LRRC4C: variants seen among roughly 807,000 people sequenced by gnomAD.
The protein encoded by LRRC4C is leucine rich repeat containing 4C.
In LRRC4C, 5 loss-of-function variants were observed where a neutral mutation model predicts 33.6. That is an observed-to-expected ratio of 0.15 (90% CI 0.08 to 0.31). LRRC4C has a LOEUF of 0.31. LRRC4C is among the 10% of genes least tolerant of loss of function. LRRC4C has a pLI of 1.00. For missense variants in LRRC4C, 560 were observed against 796.7 expected, an observed-to-expected ratio of 0.70 and a Z score of 3.58; for synonymous variants, 329 against 302.0, an observed-to-expected ratio of 1.09 and a Z score of -0.93.
At chr11:40,576,987 A>G (rs1958219615) in intron 3 of LRRC4C, among the ~76,000 whole-genome samples, 1 of 152,166 alleles carries the variant, frequency 6.6e-6, no homozygotes, top group South Asian at 2.1e-4. Context: ...TGAGGATTTT[A>G]CCTAGGGAAA....
At chr11:41,052,283 C>A (rs1218012053) in intron 1 of LRRC4C, among the ~76,000 whole-genome samples, 4 of 152,070 alleles carry the variant, frequency 2.6e-5, no homozygotes, top group African/African-American at 9.7e-5. Flanking sequence ...AGATACAAGT[C>A]CTTCACAGAA....
At chr11:40,571,731 A>G (rs1957990833) in intron 3 of LRRC4C, among the ~76,000 whole-genome samples, 2 of 152,132 alleles carry the variant, frequency 1.3e-5, no homozygotes, top group Non-Finnish European at 2.9e-5. Flanking sequence ...AGATCTTTAA[A>G]CACCCCCTAT....
chr11:40,498,530 A>G (rs952251337), intron 3 of LRRC4C, among the ~76,000 whole-genome samples: 1 of 152,230 alleles, frequency 6.6e-6, no homozygotes, highest in African/African-American at 2.4e-5. Flanking sequence ...TTTTAGCATT[A>G]GCAAACCTTG....
chr11:40,827,351 G>A (rs955213417), intron 2 of LRRC4C, among the ~76,000 whole-genome samples: 8 of 151,748 alleles, frequency 5.3e-5, no homozygotes, highest in African/African-American at 1.9e-4. Flanking sequence ...AGAGTTACCA[G>A]ACAGGTACTG....
intron 1 of LRRC4C, among the ~76,000 whole-genome samples, chr11:41,440,553 A>T (rs1010679969): frequency 1.5e-4 from 23 of 151,962 alleles, no homozygotes; most frequent in Non-Finnish European, 2.9e-4. Context: ...GTTTTTTTTA[A>T]AAAAAAGTAT....
rs75994390 is a variant in LRRC4C at position 41,205,997 on chromosome 11, T to C, written c.-496+253434A>G. Among the ~76,000 whole-genome samples, 6 of 152,252 alleles carry C rather than the reference T, an allele frequency of 3.9e-5. No homozygotes were observed. The East Asian group carries it at 1.2e-3, about 29-fold the overall frequency. On this transcript the variant is annotated intron_variant, in intron 1 of 6. Transcript: ENST00000528697. ...GTTTCTACACTGAAGTAGTATACTATAGATATGTCAAGGAAAACCATCACC... is the reference window on the plus strand; with the variant it reads ...GTTTCTACACTGAAGTAGTATACTACAGATATGTCAAGGAAAACCATCACC...
intron 5 of LRRC4C, among the ~76,000 whole-genome samples, chr11:40,159,282 A>AT (rs1858964414): frequency 1.3e-5 from 2 of 152,182 alleles, no homozygotes; most frequent in Non-Finnish European, 2.9e-5. Flanking sequence ...AGCAGCAGGC[A>AT]TTTTGAAGGG....
At chr11:41,316,281 A>AC (rs1466984707) in intron 1 of LRRC4C, among the ~76,000 whole-genome samples, 13 of 147,280 alleles carry the variant, frequency 8.8e-5, no homozygotes, top group Non-Finnish European at 1.6e-4. Context: ...AAAAAAAAAC[A>AC]AAAAAAAACA....
intron 2 of LRRC4C, among the ~76,000 whole-genome samples, chr11:40,743,146 T>C (rs1319504612): frequency 1.3e-5 from 2 of 152,086 alleles, no homozygotes; most frequent in African/African-American, 4.8e-5. Context: ...GAATATTCCC[T>C]GGTATTCAAT....
chr11:40,901,997 TCTACACACACACAC>T (rs1565184578), intron 2 of LRRC4C, among the ~76,000 whole-genome samples: 5 of 136,236 alleles, frequency 3.7e-5, no homozygotes, highest in Non-Finnish European at 4.6e-5. Flanking sequence ...TCTCTCTCTC[TCTACACACACACAC>T]ACACACACAC....
chr11:40,977,723 T>G (rs761789556), intron 1 of LRRC4C, among the ~76,000 whole-genome samples: 1 of 152,182 alleles, frequency 6.6e-6, no homozygotes, highest in Non-Finnish European at 1.5e-5. Context: ...GTCTGACAAG[T>G]GCCTCAAAAC....
chr11:40,350,761 C>T (rs187732630), intron 3 of LRRC4C, among the ~76,000 whole-genome samples: 1 of 151,952 alleles, frequency 6.6e-6, no homozygotes, highest in African/African-American at 2.4e-5. Flanking sequence ...GTGTTCTCTT[C>T]AAGTTCGTGC....
chr11:40,181,756 T>G (rs1423615639), intron 5 of LRRC4C, among the ~76,000 whole-genome samples: 1 of 152,090 alleles, frequency 6.6e-6, no homozygotes, highest in African/African-American at 2.4e-5. Context: ...GGGAGTTAGA[T>G]GAGAAAGCCA....
At chr11:40,911,252 A>T (rs142082268) in intron 2 of LRRC4C, among the ~76,000 whole-genome samples, 9 of 152,340 alleles carry the variant, frequency 5.9e-5, no homozygotes, top group Admixed American at 1.3e-4. Flanking sequence ...TGCGTCCTCA[A>T]GAGGGTCCCT....
chr11:40,334,030 A>G (rs1371014828), intron 3 of LRRC4C, among the ~76,000 whole-genome samples: 1 of 152,182 alleles, frequency 6.6e-6, no homozygotes, highest in Non-Finnish European at 1.5e-5. Context: ...GATGGCTTAC[A>G]TAAACAACAA....
chr11:40,954,483 T>C (rs551493652), intron 1 of LRRC4C, among the ~76,000 whole-genome samples: 1 of 151,984 alleles, frequency 6.6e-6, no homozygotes, highest in South Asian at 2.1e-4. Flanking sequence ...TTCCCCTCAG[T>C]ATCCAGTGAA....
intron 1 of LRRC4C, among the ~76,000 whole-genome samples, chr11:41,186,229 T>A (rs934768367): frequency 6.6e-6 from 1 of 152,078 alleles, no homozygotes; most frequent in Non-Finnish European, 1.5e-5. Flanking sequence ...CACAAAAAAC[T>A]AAGTTTAGCA....
intron 1 of LRRC4C, among the ~76,000 whole-genome samples, chr11:41,369,468 A>G (rs1952663689): frequency 6.6e-6 from 1 of 152,094 alleles, no homozygotes; most frequent in African/African-American, 2.4e-5. Flanking sequence ...TGATGAAACA[A>G]TCTGTACAAC....
chr11:41,443,898 C>T (rs1417772234), intron 1 of LRRC4C, among the ~76,000 whole-genome samples: 1 of 151,158 alleles, frequency 6.6e-6, no homozygotes, highest in Admixed American at 6.6e-5. Context: ...ACTGGGATTA[C>T]AGGTGCGAGC....
Sources: gnomAD v4.1 joint callset for allele counts (sites outside exome capture counted in the v4.1 genomes callset) on GRCh38, gnomAD v4.1.1 for gene constraint, MANE v1.5 for transcripts, NCBI Gene and HGNC (gene_info 2026-07-23, HGNC 2026-07-21) for gene names.